TM9SF4: variants seen among roughly 807,000 people sequenced by gnomAD.
The protein encoded by TM9SF4 is dinucleotide oxidase disulfide thiol exchanger 3 superfamily member 4.
In TM9SF4, 26 loss-of-function variants were observed where a neutral mutation model predicts 90.4. That is an observed-to-expected ratio of 0.29 (90% CI 0.21 to 0.40). The LOEUF (loss-of-function observed/expected upper bound fraction) is 0.40. TM9SF4 is among the 10% of genes least tolerant of loss of function. TM9SF4 has a pLI of 1.00. For synonymous variants in TM9SF4, 293 were observed against 315.4 expected (o/e 0.93, Z 0.75); for missense variants, 549 against 834.8 (o/e 0.66, Z 4.22).
rs747887898 is a variant in TM9SF4 at position 32,136,150 on chromosome 20, T to C, written c.206T>C (p.Ile69Thr). 1.2e-6 allele frequency: 2 copies of C among 1,614,192 alleles called. No homozygotes were observed. Among genetic ancestry groups the C allele is most frequent in the Admixed American group, 1.7e-5 (1 of 60,018 alleles). The change falls in exon 3 of 18, where the codon ATA becomes ACA. Residue 69 changes from isoleucine to threonine, a missense_variant. This residue lies in a region of TM9SF4 where 495 missense variants were observed against 711.7 expected (regional missense o/e 0.70). Coordinates refer to ENST00000398022, the MANE Select transcript of TM9SF4 (RefSeq NM_014742.4). ...CTGCCCTTCTGCCAGCCCAGCAAGA[T>C]AACCTACAAGGCAGAGAATCTGGGT... is the stretch of plus-strand genomic sequence containing the variant. ...YSLPFCQPSK[I>T]TYKAENLGEV...
intron 6 of TM9SF4, among the ~76,000 whole-genome samples, chr20:32,143,545 T>G (rs2046712661): frequency 2.0e-5 from 3 of 152,288 alleles, no homozygotes; most frequent in Non-Finnish European, 4.4e-5. Flanking sequence ...TGTGAGTGAT[T>G]GGCATAAACT....
intron 1 of TM9SF4, among the ~76,000 whole-genome samples, chr20:32,125,682 T>C (rs1389771535): frequency 6.0e-5 from 1 of 16,534 alleles, no homozygotes; most frequent in Non-Finnish European, 8.8e-5. Context: ...CTCTTTTTTC[T>C]TTTTTTTTTT....
At chr20:32,156,401 G>C (rs1000354883) in intron 13 of TM9SF4, among the ~76,000 whole-genome samples, 2 of 152,124 alleles carry the variant, frequency 1.3e-5, no homozygotes, top group African/African-American at 4.8e-5. Context: ...TTGTCCCTTG[G>C]TATTCATAGG....
chr20:32,127,393 G>A (rs2046438499), intron 1 of TM9SF4, among the ~76,000 whole-genome samples: 2 of 152,070 alleles, frequency 1.3e-5, no homozygotes, highest in Admixed American at 1.3e-4. Context: ...TAACTTCTGG[G>A]TCTCTGGGTC....
At chr20:32,120,395 G>GTTTTTTTTTTTTT (rs34639926) in intron 1 of TM9SF4, among the ~76,000 whole-genome samples, 7 of 116,184 alleles carry the variant, frequency 6.0e-5, no homozygotes, top group Non-Finnish European at 6.9e-5. Flanking sequence ...TAAGTGGTGC[G>GTTTTTTTTTTTTT]TTTTTTTTTT....
At chr20:32,110,653 G>A (rs1286469074) in intron 1 of TM9SF4, among the ~76,000 whole-genome samples, 5 of 152,066 alleles carry the variant, frequency 3.3e-5, no homozygotes, top group Admixed American at 3.3e-4. Context: ...TCCCCAACAT[G>A]GCCACACAGC....
chr20:32,144,205 A>G (rs1439102943), intron 6 of TM9SF4, among the ~76,000 whole-genome samples: 1 of 152,076 alleles, frequency 6.6e-6, no homozygotes, highest in Non-Finnish European at 1.5e-5. Flanking sequence ...TGGCCTCCCA[A>G]AGTGCTTGGA....
At position 32,158,948 on chromosome 20, in the gene TM9SF4, C is replaced by G. The variant is rs915236188; in HGVS notation, c.1569+434C>G. Among the ~76,000 whole-genome samples, 3 of 150,372 alleles carry G rather than the reference C, an allele frequency of 2.0e-5. No individual in the cohort carries two copies. In the East Asian group the frequency reaches 5.9e-4, roughly 29 times the overall value. On this transcript the variant is annotated intron_variant, in intron 15 of 17. Transcript: ENST00000398022. ...AGTGAGCCAAGATCGCGCCACTGCA[C>G]TCCAGCCTGGGTGACAGAGAGAGAC...
At chr20:32,160,532 G>C (rs1409967791) in intron 16 of TM9SF4, among the ~76,000 whole-genome samples, 2 of 152,184 alleles carry the variant, frequency 1.3e-5, no homozygotes, top group Non-Finnish European at 2.9e-5. Context: ...GTAGCTCTGG[G>C]TCTTGGGCGG....
At chr20:32,128,790 C>CTGTGTGTG (rs55977888) in intron 1 of TM9SF4, among the ~76,000 whole-genome samples, 5,887 of 145,290 alleles carry the variant, frequency 0.041, 262 homozygotes, top group African/African-American at 0.11. Context: ...GTATTCCATT[C>CTGTGTGTG]TGTGTGTGTG....
chr20:32,136,476 A>G (rs2046595980), intron 3 of TM9SF4, among the ~76,000 whole-genome samples: 1 of 152,182 alleles, frequency 6.6e-6, no homozygotes, highest in Non-Finnish European at 1.5e-5. Flanking sequence ...GACTTGGAGC[A>G]CTTGGCTTCT....
chr20:32,127,576 T>C (rs151044125), intron 1 of TM9SF4, among the ~76,000 whole-genome samples: 121 of 152,354 alleles, frequency 7.9e-4, no homozygotes, highest in Middle Eastern at 3.4e-3. Context: ...TCAGTGACTC[T>C]GGCTTCTTGT....
chr20:32,146,483 A>G (rs941276220), intron 8 of TM9SF4, among the ~76,000 whole-genome samples: 2 of 152,176 alleles, frequency 1.3e-5, no homozygotes, highest in African/African-American at 4.8e-5. Context: ...CCTTGGACAC[A>G]TGAGCTGAGA....
chr20:32,121,986 C>T (rs1600783744), intron 1 of TM9SF4, among the ~76,000 whole-genome samples: 1 of 143,214 alleles, frequency 7.0e-6, no homozygotes. Context: ...GGGGCTGACC[C>T]CCCCACCTCC....
At chr20:32,156,477 G>A (rs1018894746) in intron 13 of TM9SF4, among the ~76,000 whole-genome samples, 2 of 152,158 alleles carry the variant, frequency 1.3e-5, no homozygotes, top group African/African-American at 2.4e-5. Flanking sequence ...ATATAAAGTG[G>A]CATAGTGTTT....
chr20:32,140,655 A>G (rs1022605895), intron 3 of TM9SF4, among the ~76,000 whole-genome samples: 1 of 152,136 alleles, frequency 6.6e-6, no homozygotes, highest in Non-Finnish European at 1.5e-5. Context: ...TTATTATCCC[A>G]TTTTATGGAT....
chr20:32,160,161 T>C (rs1255796474), intron 16 of TM9SF4, 50 bp downstream of exon 16: 1 of 1,612,108 alleles, frequency 6.2e-7, no homozygotes, highest in East Asian at 2.2e-5. Context: ...GGATCCAGCA[T>C]TGAACGGGTT....
At chr20:32,133,169 T>C in intron 2 of TM9SF4, 43 bp downstream of exon 2, 3 of 1,579,416 alleles carry the variant, frequency 1.9e-6, no homozygotes, top group Non-Finnish European at 2.6e-6. Flanking sequence ...TGCTAGGCAG[T>C]GTGTCTGGAG....
In TM9SF4 at chr20:32,136,172, G is replaced by A; in HGVS notation, c.228G>A (p.Leu76=). 1 of 1,614,020 alleles carries A rather than the reference G, an allele frequency of 6.2e-7. No homozygotes were observed. The highest frequency in any genetic ancestry group is 8.5e-7 in the Non-Finnish European group (1 of 1,179,944). ...AGATAACCTACAAGGCAGAGAATCT[G>A]GGTAAGTTCTTCTCCCACACTGCTG... The part of the protein sequence containing the change: ...PSKITYKAEN[L]GEVLRGDRIV... Residue 76 remains leucine (L), a splice_region_variant and synonymous_variant, in exon 3 of 18, where the codon CTG becomes CTA. Coordinates refer to ENST00000398022, the MANE Select transcript of TM9SF4 (RefSeq NM_014742.4).
Sources: gnomAD v4.1 joint callset for allele counts (sites outside exome capture counted in the v4.1 genomes callset) on GRCh38, gnomAD v4.1.1 for gene constraint, gnomAD v4.1.1 regional missense constraint, MANE v1.5 for transcripts, NCBI Gene and HGNC (gene_info 2026-07-23, HGNC 2026-07-21) for gene names.